CNTN5: variants seen among roughly 807,000 people sequenced by gnomAD.
CNTN5 encodes the protein contactin-5.
A neutral mutation model predicts 129.1 loss-of-function variants in CNTN5; 77 were observed. The ratio of observed to expected loss-of-function variants is 0.60; its 90% CI spans 0.50 to 0.72. The LOEUF (loss-of-function observed/expected upper bound fraction) is 0.72, where lower values mean the gene tolerates loss of function less well. CNTN5 is among the 30% of genes least tolerant of loss of function. CNTN5 has a pLI of 0.00. For missense variants in CNTN5, 1,478 were observed against 1,328.8 expected (o/e 1.11, Z -1.75); for synonymous variants, 509 against 465.6 (o/e 1.09, Z -1.20).
intron 6 of CNTN5, among the ~76,000 whole-genome samples, chr11:99,896,439 C>T (rs1277018716): frequency 6.6e-6 from 1 of 152,086 alleles, no homozygotes; most frequent in African/African-American, 2.4e-5. Flanking sequence ...TTTCATGTAC[C>T]TCCAGCATGG....
chr11:100,275,932 C>G (rs1378492029), intron 18 of CNTN5, among the ~76,000 whole-genome samples: 1 of 152,152 alleles, frequency 6.6e-6, no homozygotes, highest in Non-Finnish European at 1.5e-5. Context: ...ACACCAATGT[C>G]TGGAGACATC....
intron 7 of CNTN5, among the ~76,000 whole-genome samples, chr11:99,930,796 A>AACACACAT (rs1555160659): frequency 6.7e-6 from 1 of 149,456 alleles, no homozygotes; most frequent in African/African-American, 2.5e-5. Context: ...CATACACACA[A>AACACACAT]ACACACACAC....
chr11:100,076,055 T>A (rs1944114291), intron 13 of CNTN5, among the ~76,000 whole-genome samples: 1 of 152,062 alleles, frequency 6.6e-6, no homozygotes, highest in Admixed American at 6.6e-5. Context: ...TATGACAGAA[T>A]TGATCAGATA....
chr11:99,935,051 A>T (rs551543473), intron 7 of CNTN5, among the ~76,000 whole-genome samples: 98 of 150,522 alleles, frequency 6.5e-4, no homozygotes, highest in Non-Finnish European at 1.5e-4. Flanking sequence ...TCTCCAGCAT[A>T]TATCTTCACA....
rs151337864 is a variant in CNTN5, at chr11:99,973,540, T to C, written c.877+16531T>C. On this transcript the variant is annotated intron_variant, in intron 8 of 24. Coordinates refer to ENST00000524871, the MANE Select transcript of CNTN5 (RefSeq NM_014361.4). Reference sequence around the variant, plus strand: ...CTTAATATGCTCTACCTGATTTTTCTCTGAATATCCAGTAAGGTATTTAAA... The same window carrying C: ...CTTAATATGCTCTACCTGATTTTTCCCTGAATATCCAGTAAGGTATTTAAA... 9.0e-4 allele frequency among the ~76,000 whole-genome samples: 137 copies of C among 152,310 alleles called. No individual in the cohort carries two copies. The South Asian group carries it at 0.012, about 14-fold the overall frequency.
At chr11:99,941,766 G>T (rs956702669) in intron 7 of CNTN5, among the ~76,000 whole-genome samples, 1 of 152,022 alleles carries the variant, frequency 6.6e-6, no homozygotes, top group Non-Finnish European at 1.5e-5. Context: ...AAAAATTATT[G>T]CACGTGTCCT....
At chr11:99,351,054 A>T (rs1274522210) in intron 2 of CNTN5, among the ~76,000 whole-genome samples, 1 of 152,140 alleles carries the variant, frequency 6.6e-6, no homozygotes, top group Non-Finnish European at 1.5e-5. Flanking sequence ...ACATTAAGTG[A>T]AATACCTAAT....
intron 3 of CNTN5, among the ~76,000 whole-genome samples, chr11:99,746,025 TAAG>T (rs1944045329): frequency 6.6e-6 from 1 of 152,160 alleles, no homozygotes; most frequent in Non-Finnish European, 1.5e-5. Context: ...TTTGAAAGGT[TAAG>T]AAGTCTTGGC....
intron 2 of CNTN5, among the ~76,000 whole-genome samples, chr11:99,346,374 C>T (rs1937872157): frequency 6.6e-6 from 1 of 152,232 alleles, no homozygotes; most frequent in African/African-American, 2.4e-5. Flanking sequence ...TGCCTTTCTT[C>T]TCTCATCTCC....
chr11:99,971,413 C>G (rs1323767871), intron 8 of CNTN5, among the ~76,000 whole-genome samples: 1 of 151,750 alleles, frequency 6.6e-6, no homozygotes, highest in Non-Finnish European at 1.5e-5. Context: ...CGTGGTGGTG[C>G]GCGCCTGTAG....
chr11:99,063,852 C>T (rs953784616), intron 1 of CNTN5, among the ~76,000 whole-genome samples: 20 of 152,156 alleles, frequency 1.3e-4, no homozygotes, highest in African/African-American at 4.8e-4. Context: ...ATGGAGTAAA[C>T]TGAGAAAGTA....
At chr11:99,931,947 C>T (rs1233581888) in intron 7 of CNTN5, among the ~76,000 whole-genome samples, 1 of 152,146 alleles carries the variant, frequency 6.6e-6, no homozygotes, top group Non-Finnish European at 1.5e-5. Context: ...ATGAATTTAT[C>T]ACCATAGAAA....
chr11:99,057,835 A>C (rs1354357784), intron 1 of CNTN5, among the ~76,000 whole-genome samples: 1 of 149,624 alleles, frequency 6.7e-6, no homozygotes, highest in Non-Finnish European at 1.5e-5. Context: ...TAAATGCTGA[A>C]GTAGGGAAGG....
At chr11:100,163,139 CAAAA>C (rs150623974) in intron 13 of CNTN5, among the ~76,000 whole-genome samples, 5 of 151,528 alleles carry the variant, frequency 3.3e-5, no homozygotes, top group Admixed American at 3.3e-4. Context: ...AAATTAAAAA[CAAAA>C]AAATTGATAT....
At chr11:99,690,374 C>T (rs1953990703) in intron 3 of CNTN5, among the ~76,000 whole-genome samples, 1 of 152,064 alleles carries the variant, frequency 6.6e-6, no homozygotes, top group Admixed American at 6.6e-5. Flanking sequence ...ATGCCTCCAG[C>T]TTTGTTTTGT....
At chr11:99,888,820 T>C (rs1469214114) in intron 6 of CNTN5, among the ~76,000 whole-genome samples, 1 of 152,218 alleles carries the variant, frequency 6.6e-6, no homozygotes, top group Non-Finnish European at 1.5e-5. Context: ...CATACTCTAG[T>C]GTAAGCTGGA....
At chr11:99,455,440 T>G (rs78239121) in intron 2 of CNTN5, among the ~76,000 whole-genome samples, 1 of 143,834 alleles carries the variant, frequency 7.0e-6, no homozygotes, top group Admixed American at 6.8e-5. Flanking sequence ...AAATATGTAG[T>G]TTTTTTTTTT....
intron 2 of CNTN5, among the ~76,000 whole-genome samples, chr11:99,520,064 T>G (rs1947216800): frequency 6.6e-6 from 1 of 152,138 alleles, no homozygotes; most frequent in South Asian, 2.1e-4. Context: ...TATATAGCAT[T>G]TATTTTACGC....
intron 2 of CNTN5, among the ~76,000 whole-genome samples, chr11:99,500,744 A>T (rs866293216): frequency 9.8e-5 from 15 of 152,322 alleles, no homozygotes; most frequent in African/African-American, 3.6e-4. Flanking sequence ...CAAACATAAT[A>T]GCAATGGGTG....
Sources: allele counts gnomAD v4.1 joint callset (sites outside exome capture counted in the v4.1 genomes callset), GRCh38; gene constraint gnomAD v4.1.1; transcripts MANE v1.5; gene names NCBI Gene and HGNC (gene_info 2026-07-23, HGNC 2026-07-21).